FDXR: variants seen among roughly 807,000 people sequenced by gnomAD.
FDXR encodes the protein ferredoxin reductase.
A neutral mutation model predicts 58.3 loss-of-function variants in FDXR; 38 were observed. The ratio of observed to expected loss-of-function variants is 0.65; its 90% CI spans 0.50 to 0.85. FDXR has a LOEUF of 0.85. Ranked by LOEUF, FDXR falls within the 40% of genes least tolerant of loss-of-function variation. The pLI is 0.00. For missense variants in FDXR, 624 were observed against 671.0 expected, an observed-to-expected ratio of 0.93 and a Z score of 0.77; for synonymous variants, 275 against 273.8, an observed-to-expected ratio of 1.00 and a Z score of -0.04.
Position 74,864,272 on chromosome 17 carries a change from G to C in FDXR, c.878C>G (p.Ala293Gly). 1.3e-6 allele frequency: 2 copies of C among 1,596,504 alleles called. No homozygotes were observed. Among genetic ancestry groups the C allele is most frequent in the Non-Finnish European group, 1.7e-6 (2 of 1,167,908 alleles). ...ACGGGAGGCCGATGCCTGGCGGGCA[G>C]CTTCCGCCGGCCCTGGCTTCTCTGT... is the stretch of plus-strand genomic sequence containing the variant. ...TATEKPGPAEAARQASASRAW... is the reference protein window; with the variant it reads ...TATEKPGPAEGARQASASRAW... Residue 293 changes from alanine (A) to glycine (G), a missense_variant, in exon 9 of 12, where the codon GCT becomes GGT. Physicochemically the swap from Ala to Gly is moderately conservative, Grantham distance 60. Coordinates refer to ENST00000293195, the MANE Select transcript of FDXR (RefSeq NM_024417.5).
rs1319698331 is a variant in FDXR, at chr17:74,866,257, G to A, written c.394-13C>T. The A allele has an allele frequency of 6.2e-7, 1 of 1,609,622 alleles. No individual in the cohort carries two copies. The highest frequency in any genetic ancestry group is 2.2e-5 in the East Asian group (1 of 44,872). On this transcript the variant is annotated splice_polypyrimidine_tract_variant and intron_variant, in intron 4 of 11. Transcript: ENST00000293195. ...CTGCCCCGTAGCTCTGATGAAAGAT[G>A]GCAGGCCCGAGACCCACAGCCTTCA...
intron 1 of FDXR, 184 bp downstream of exon 1, chr17:74,872,682 G>T: frequency 7.5e-7 from 1 of 1,338,088 alleles, no homozygotes. Context: ...TCTAACCCTA[G>T]AAGCCTCACA....
At position 74,866,480 on chromosome 17, in the gene FDXR, G is replaced by C. The variant is rs369049042; in HGVS notation, c.359C>G (p.Pro120Arg). Residue 120 changes from proline (P) to arginine (R), a missense_variant, in exon 4 of 12, where the codon CCG becomes CGG. By Grantham distance (103) the Pro-to-Arg change is moderately radical. Coordinates refer to ENST00000293195, the MANE Select transcript of FDXR (RefSeq NM_024417.5). ...NVEVGRDVTVPELQEAYHAVV... is the reference protein window; with the variant it reads ...NVEVGRDVTVRELQEAYHAVV... The stretch of plus-strand genomic sequence containing the variant: ...AGCGTGGTAGGCCTCCTGCAGCTCC[G>C]GCACCGTCACGTCCCTGCCCACCTC... The C allele has an allele frequency of 1.2e-6, 2 of 1,613,580 alleles. No individual in the cohort carries two copies. The highest frequency in any genetic ancestry group is 1.1e-5 in the South Asian group (1 of 91,058).
At position 74,864,358 on chromosome 17, in the gene FDXR, C is replaced by T. The variant is rs780093358; in HGVS notation, c.803-11G>A. 56 of 1,579,118 alleles carry T rather than the reference C, an allele frequency of 3.5e-5. No individual in the cohort carries two copies. Among genetic ancestry groups the T allele is most frequent in the Middle Eastern group, 1.7e-4 (1 of 5,912 alleles). On this transcript the variant is annotated splice_polypyrimidine_tract_variant and intron_variant, in intron 8 of 11. Coordinates refer to ENST00000293195, the MANE Select transcript of FDXR (RefSeq NM_024417.5). ...TCGGGCGGGGGACCTCTGTCAGCAA[C>T]GTAGAATGTCTCCAGGCTGTCCCTG...
rs1414067130 is a variant in FDXR, at chr17:74,864,923, G to A, written c.618C>T (p.Asp206=). 4.3e-6 allele frequency: 7 copies of A among 1,614,038 alleles called. No individual in the cohort carries two copies. The highest frequency in any genetic ancestry group is 1.3e-5 in the African/African-American group (1 of 74,930). Residue 206 remains aspartate (D), a synonymous_variant, in exon 7 of 12, where the codon GAC becomes GAT. Coordinates refer to ENST00000293195, the MANE Select transcript of FDXR (RefSeq NM_024417.5). The part of the protein sequence containing the change: ...LTPPEHLERT[D]ITKAALGVLR... ...GTACACCCAGGGCTGCCTTCGTGAT[G>A]TCCGTTCTCTGGCACAAAAGGAGGG...
chr17:74,872,697 A>T, intron 1 of FDXR, 169 bp downstream of exon 1: 1 of 1,424,794 alleles, frequency 7.0e-7, no homozygotes, highest in Non-Finnish European at 9.4e-7. Flanking sequence ...CTCACATCTC[A>T]CGCACAGATC....
In FDXR at chr17:74,866,153, T is replaced by C. The variant is rs753518416; in HGVS notation, c.485A>G (p.Asn162Ser). 2.5e-6 allele frequency: 4 copies of C among 1,613,550 alleles called. No individual in the cohort carries two copies. Among genetic ancestry groups the C allele is most frequent in the African/African-American group, 1.3e-5 (1 of 75,004 alleles). Residue 162 changes from asparagine to serine, a missense_variant, in exon 5 of 12, where the codon AAC becomes AGC. Physicochemically the swap from Asn to Ser is conservative, Grantham distance 46 (BLOSUM62 1). Coordinates refer to ENST00000293195, the MANE Select transcript of FDXR (RefSeq NM_024417.5). ...CACCTCCTGGTTCTCAGGAAGCCCG[T>C]TGTACCAGCCCACGAAGGCCCGGGC... is the stretch of plus-strand genomic sequence containing the variant. ...CSARAFVGWY[N>S]GLPENQELEP...
chr17:74,863,473 T>C (rs1791416909), intron 10 of FDXR, among the ~76,000 whole-genome samples: 2 of 152,204 alleles, frequency 1.3e-5, no homozygotes, highest in African/African-American at 4.8e-5. Flanking sequence ...GATGAGGGGA[T>C]CCCTAAGCTT....
In FDXR at chr17:74,864,875, T is replaced by A; in HGVS notation, c.666A>T (p.Thr222=). 2 of 1,614,010 alleles carry A rather than the reference T, an allele frequency of 1.2e-6. No individual in the cohort carries two copies. The highest frequency in any genetic ancestry group is 1.7e-6 in the Non-Finnish European group (2 of 1,179,934). The change falls in exon 7 of 12, where the codon ACA becomes ACT. Residue 222 remains threonine (T), a synonymous_variant. Coordinates refer to ENST00000293195, the MANE Select transcript of FDXR (RefSeq NM_024417.5). ...GTCCACGCCGGCCCACTAGCCACACTGTCTTCACTCGACTCTGCCTCAGTA... is the reference window on the plus strand; with the variant it reads ...GTCCACGCCGGCCCACTAGCCACACAGTCTTCACTCGACTCTGCCTCAGTA... ...LGVLRQSRVK[T]VWLVGRRGPL...
At chr17:74,866,414 G>C in intron 4 of FDXR, 32 bp downstream of exon 4, 1 of 1,609,664 alleles carries the variant, frequency 6.2e-7, no homozygotes, top group Non-Finnish European at 8.5e-7. Context: ...TGCAGCCCCT[G>C]CCTCCCCAAG....
rs761802850 is a variant in FDXR at position 74,864,926 on chromosome 17, C to T, written c.615G>A (p.Thr205=). Residue 205 remains threonine, a synonymous_variant, in exon 7 of 12, where the codon ACG becomes ACA. Coordinates refer to ENST00000293195, the MANE Select transcript of FDXR (RefSeq NM_024417.5). ...LLTPPEHLER[T]DITKAALGVL... is the part of the protein sequence containing the mutation. ...CACCCAGGGCTGCCTTCGTGATGTC[C>T]GTTCTCTGGCACAAAAGGAGGGCCT... is the stretch of plus-strand genomic sequence containing the variant. The T allele has an allele frequency of 6.8e-6, 11 of 1,614,008 alleles. No homozygotes were observed. Among genetic ancestry groups the T allele is most frequent in the Admixed American group, 1.7e-5 (1 of 60,004 alleles).
chr17:74,863,433 C>T (rs1021479112), intron 10 of FDXR, among the ~76,000 whole-genome samples, 187 bp from the exon 11 acceptor site: 1 of 152,232 alleles, frequency 6.6e-6, no homozygotes, highest in African/African-American at 2.4e-5. Context: ...TTTTACCAGG[C>T]CGACCCCCTT....
chr17:74,870,992 G>T (rs551761732), intron 2 of FDXR, among the ~76,000 whole-genome samples: 3 of 151,204 alleles, frequency 2.0e-5, no homozygotes, highest in Non-Finnish European at 4.4e-5. Context: ...TAGTAGAGAT[G>T]GGGTTTCACC....
chr17:74,865,196 G>A (rs953360890), intron 6 of FDXR, among the ~76,000 whole-genome samples: 1 of 152,206 alleles, frequency 6.6e-6, no homozygotes, highest in Non-Finnish European at 1.5e-5. Context: ...TTGGAGGGGC[G>A]GGGTGGTCAA....
At chr17:74,868,291 A>T in intron 2 of FDXR, 1 of 592,966 alleles carries the variant, frequency 1.7e-6, no homozygotes, top group South Asian at 2.0e-5. Flanking sequence ...CTCTAGCACT[A>T]GCTGGCTCTG....
chr17:74,868,218 T>C, intron 2 of FDXR: 1 of 435,060 alleles, frequency 2.3e-6, no homozygotes, highest in Non-Finnish European at 4.3e-6. Context: ...AGCCCCACGA[T>C]GTTGTACCCA....
At chr17:74,864,638 C>A in intron 7 of FDXR, 74 bp from the exon 8 acceptor site, 1 of 1,485,390 alleles carries the variant, frequency 6.7e-7, no homozygotes, top group South Asian at 1.2e-5. Context: ...ACCCCAGGGT[C>A]CAGCCCAGGC....
At chr17:74,870,516 C>CAAAAAAAAAAAAA (rs1168237892) in intron 2 of FDXR, among the ~76,000 whole-genome samples, 1 of 54,982 alleles carries the variant, frequency 1.8e-5, no homozygotes, top group Non-Finnish European at 3.0e-5. Context: ...GACTCCATCT[C>CAAAAAAAAAAAAA]AAAAAAAAAA....
Position 74,864,845 on chromosome 17 carries a change from C to T in FDXR, c.696G>A (p.Leu232=), listed in dbSNP as rs763977480. The T allele has an allele frequency of 5.0e-6, 8 of 1,613,940 alleles. No homozygotes were observed. The African/African-American group carries it at 6.7e-5, about 13-fold the overall frequency. ...GCACCTTAATGGTGAAGGCCACTTG[C>T]AGGGGTCCACGCCGGCCCACTAGCC... ...TVWLVGRRGP[L]QVAFTIKELR... is the part of the protein sequence containing the mutation. Residue 232 remains leucine (L), a synonymous_variant, in exon 7 of 12, where the codon CTG becomes CTA. Coordinates refer to ENST00000293195, the MANE Select transcript of FDXR (RefSeq NM_024417.5).
Sources: gnomAD v4.1 joint callset for allele counts (sites outside exome capture counted in the v4.1 genomes callset) on GRCh38, gnomAD v4.1.1 for gene constraint, MANE v1.5 for transcripts, NCBI Gene and HGNC (gene_info 2026-07-23, HGNC 2026-07-21) for gene names.